PSME4: variants seen among roughly 807,000 people sequenced by gnomAD.
PSME4 encodes proteasome activator complex subunit 4.
A neutral mutation model predicts 253.9 loss-of-function variants in PSME4; 89 were observed. That is an observed-to-expected ratio of 0.35 (90% CI 0.30 to 0.42). The LOEUF is 0.42. Ranked by LOEUF, PSME4 falls within the 10% of genes least tolerant of loss-of-function variation. PSME4 has a pLI of 1.00. For missense variants in PSME4, 2,014 were observed against 2,195.2 expected (o/e 0.92, Z 1.65); for synonymous variants, 851 against 759.2 (o/e 1.12, Z -1.99).
At chr2:53,888,960 G>T (rs1198613603) in intron 37 of PSME4, 148 bp from the exon 38 acceptor site, 5 of 590,064 alleles carry the variant, frequency 8.5e-6, no homozygotes, top group Non-Finnish European at 1.2e-5. Flanking sequence ...TTGCCTCCCA[G>T]GCTCAAGTAA....
intron 1 of PSME4, among the ~76,000 whole-genome samples, chr2:53,960,258 G>A (rs551536563): frequency 6.6e-6 from 1 of 152,258 alleles, no homozygotes; most frequent in Admixed American, 6.5e-5. Context: ...AATCAGCCAG[G>A]CATGGTGGCG....
At chr2:53,922,643 T>C (rs906508506) in intron 16 of PSME4, 59 bp from the exon 17 acceptor site, 1 of 1,544,986 alleles carries the variant, frequency 6.5e-7, no homozygotes, top group Non-Finnish European at 8.8e-7. Context: ...AAATATAGCA[T>C]TTTAAAATAC....
At chr2:53,898,221 A>C in intron 30 of PSME4, 80 bp downstream of exon 30, 1 of 1,352,712 alleles carries the variant, frequency 7.4e-7, no homozygotes, top group Non-Finnish European at 1.0e-6. Context: ...TGACATAGTC[A>C]TTCATAGCCT....
Position 53,970,599 on chromosome 2 carries a change from G to C in PSME4, c.186C>G (p.Ala62=), listed in dbSNP as rs367622925. ...LAQIKCNLGR[A]VQLQELWPGG... is the part of the protein sequence containing the mutation. ...CGGGCCACAGCTCTTGGAGCTGCAC[G>C]GCCCGGCCCAGGTTGCATTTGATCT... The change falls in exon 1 of 47, where the codon GCC becomes GCG. Residue 62 remains alanine, a synonymous_variant. Coordinates refer to ENST00000404125, the MANE Select transcript of PSME4 (RefSeq NM_014614.3). The C allele has an allele frequency of 1.6e-4, 247 of 1,549,354 alleles. 1 individual carries two copies. The East Asian group carries it at 4.8e-3, about 30-fold the overall frequency.
intron 1 of PSME4, among the ~76,000 whole-genome samples, chr2:53,950,607 C>T (rs144375573): frequency 1.8e-4 from 28 of 151,972 alleles, no homozygotes; most frequent in African/African-American, 4.1e-4. Context: ...TTTGGGAGGC[C>T]GACGTGGGTG....
At chr2:53,934,195 A>C (rs1668997877) in intron 8 of PSME4, among the ~76,000 whole-genome samples, 1 of 152,158 alleles carries the variant, frequency 6.6e-6, no homozygotes, top group Non-Finnish European at 1.5e-5. Context: ...CCCTTCACTA[A>C]GATTACTTTG....
chr2:53,876,535 G>C (rs1270966743), intron 41 of PSME4, among the ~76,000 whole-genome samples: 4 of 149,134 alleles, frequency 2.7e-5, no homozygotes, highest in Non-Finnish European at 5.9e-5. Context: ...ATTATAAAAA[G>C]AGAGATTTGC....
intron 3 of PSME4, among the ~76,000 whole-genome samples, chr2:53,940,310 A>G (rs973195489): frequency 7.9e-5 from 12 of 152,258 alleles, no homozygotes; most frequent in African/African-American, 2.9e-4. Context: ...CACCATATTT[A>G]TCAACACAGT....
intron 33 of PSME4, 73 bp downstream of exon 33, chr2:53,895,510 C>A: frequency 6.8e-7 from 1 of 1,465,354 alleles, no homozygotes; most frequent in African/African-American, 1.4e-5. Context: ...TCTGAACCTC[C>A]CCAGAAACCA....
At chr2:53,914,100 A>G (rs1037952803) in intron 20 of PSME4, among the ~76,000 whole-genome samples, 1 of 152,248 alleles carries the variant, frequency 6.6e-6, no homozygotes, top group Non-Finnish European at 1.5e-5. Context: ...AAAATGACGT[A>G]ATAAATCTAT....
intron 3 of PSME4, among the ~76,000 whole-genome samples, chr2:53,944,277 G>C (rs1451214689): frequency 6.6e-6 from 1 of 151,962 alleles, no homozygotes; most frequent in Non-Finnish European, 1.5e-5. Context: ...TCCTGCCTCA[G>C]CCTCCTGGGT....
chr2:53,917,019 T>A (rs1406294046), intron 20 of PSME4, among the ~76,000 whole-genome samples: 1 of 151,168 alleles, frequency 6.6e-6, no homozygotes. Flanking sequence ...CAATTATTTT[T>A]AAAAATTGAA....
intron 41 of PSME4, among the ~76,000 whole-genome samples, chr2:53,877,074 C>A (rs1679168787): frequency 6.6e-6 from 1 of 151,802 alleles, no homozygotes; most frequent in Non-Finnish European, 1.5e-5. Context: ...CATACTTTGA[C>A]TATGAATGTA....
At chr2:53,964,490 T>TG (rs1402244583) in intron 1 of PSME4, among the ~76,000 whole-genome samples, 1 of 152,248 alleles carries the variant, frequency 6.6e-6, no homozygotes, top group Non-Finnish European at 1.5e-5. Flanking sequence ...CCATTTTGAA[T>TG]GATCACTTAA....
In PSME4 at chr2:53,932,532, TTAA is replaced by T; in HGVS notation, c.1050+133_1050+135del. The T allele has an allele frequency of 7.1e-6, 5 of 700,728 alleles. No homozygotes were observed. In the South Asian group the frequency reaches 9.2e-5, roughly 13 times the overall value. 43.4% of individuals were successfully genotyped at this position (700,728 alleles called of 1,614,324 possible). ...ATGCTCTCCCACACAGTAATTTAAT[TTAA>T]ATGTAAGCATTTACATATAGCTAAA... On this transcript the variant is annotated intron_variant, in intron 9 of 46. Transcript: ENST00000404125.
At chr2:53,917,630 T>C (rs1365111912) in intron 20 of PSME4, among the ~76,000 whole-genome samples, 2 of 152,172 alleles carry the variant, frequency 1.3e-5, no homozygotes, top group East Asian at 1.9e-4. Context: ...AGATAAATTA[T>C]TGGATTAAAT....
intron 41 of PSME4, among the ~76,000 whole-genome samples, chr2:53,880,990 C>T (rs1679355702): frequency 6.6e-6 from 1 of 152,260 alleles, no homozygotes; most frequent in South Asian, 2.1e-4. Flanking sequence ...GTCTCTCTTC[C>T]TACCATTACG....
At chr2:53,959,004 A>C (rs1465664290) in intron 1 of PSME4, among the ~76,000 whole-genome samples, 1 of 152,082 alleles carries the variant, frequency 6.6e-6, no homozygotes, top group Non-Finnish European at 1.5e-5. Flanking sequence ...AAATGGCGAG[A>C]AATAAGGACT....
intron 3 of PSME4, among the ~76,000 whole-genome samples, chr2:53,946,759 T>A (rs1398885595): frequency 6.6e-6 from 1 of 151,778 alleles, no homozygotes; most frequent in Non-Finnish European, 1.5e-5. Context: ...TAAAAAATTT[T>A]AAAAATTAGC....
Sources: allele counts gnomAD v4.1 joint callset (sites outside exome capture counted in the v4.1 genomes callset), GRCh38; gene constraint gnomAD v4.1.1; transcripts MANE v1.5; gene names NCBI Gene and HGNC (gene_info 2026-07-23, HGNC 2026-07-21).